Variants in BRIP1 observed in about 807,000 individuals in gnomAD.
The protein encoded by BRIP1 is BRCA1 interacting DNA helicase 1.
A neutral mutation model predicts 119.7 loss-of-function variants in BRIP1; 88 were observed. That is an observed-to-expected ratio of 0.74 (90% confidence interval 0.62 to 0.88). The LOEUF is 0.88. BRIP1 is among the 40% of genes least tolerant of loss of function. BRIP1 has a pLI of 0.00. For missense variants in BRIP1, 1,259 were observed against 1,455.4 expected, an observed-to-expected ratio of 0.87 and a Z score of 2.20; for synonymous variants, 443 against 496.5, an observed-to-expected ratio of 0.89 and a Z score of 1.43.
chr17:61,763,404 A>G (rs2077306391), intron 14 of BRIP1, among the ~76,000 whole-genome samples: 1 of 152,152 alleles, frequency 6.6e-6, no homozygotes, highest in African/African-American at 2.4e-5. Flanking sequence ...TATAAAAAAT[A>G]CCATGTGACC....
Position 61,846,103 on chromosome 17 carries a change from A to G in BRIP1, c.627+998T>C, listed in dbSNP as rs2078724982. ...AGGTTGAGGCAGGAGAATGGCATGA[A>G]CCCAGGAGGCGGAGCTTGCAGTGGG... On this transcript the variant is annotated intron_variant, in intron 6 of 19. Coordinates refer to ENST00000259008, the MANE Select transcript of BRIP1 (RefSeq NM_032043.3). The surrounding 1 kb of genome is among the most constrained non-coding windows in gnomAD (Gnocchi z 4.3). Among the ~76,000 whole-genome samples, 1 of 151,944 alleles carries G rather than the reference A, an allele frequency of 6.6e-6. No homozygotes were observed. The highest frequency in any genetic ancestry group is 1.9e-4 in the East Asian group (1 of 5,180).
In BRIP1 at chr17:61,704,868, T is replaced by C. The variant is rs952993910; in HGVS notation, c.2492+11083A>G. Reference sequence around the variant, plus strand: ...AACTGTGGCTTCTCTTTTTTTTCTTTGTTAATTTTGCTAGAGGTTTATCAA... The same window carrying C: ...AACTGTGGCTTCTCTTTTTTTTCTTCGTTAATTTTGCTAGAGGTTTATCAA... On this transcript the variant is annotated intron_variant, in intron 17 of 19. Transcript: ENST00000259008. The surrounding 1 kb of genome is among the most constrained non-coding windows in gnomAD (Gnocchi z 5.7). Among the ~76,000 whole-genome samples, 1 of 152,182 alleles carries C rather than the reference T, an allele frequency of 6.6e-6. No homozygotes were observed. The highest frequency in any genetic ancestry group is 1.5e-5 in the Non-Finnish European group (1 of 68,024).
chr17:61,859,732 G>A, intron 3 of BRIP1, 64 bp downstream of exon 3: 3 of 1,036,348 alleles, frequency 2.9e-6, no homozygotes, highest in Non-Finnish European at 4.6e-6. Flanking sequence ...TCTGGATAAA[G>A]AATACTGTAT....
Position 61,846,687 on chromosome 17 carries a change from TACA to T in BRIP1, c.627+411_627+413del, listed in dbSNP as rs2078738277. Among the ~76,000 whole-genome samples the T allele has an allele frequency of 6.6e-6, 1 of 152,106 alleles. No individual in the cohort carries two copies. The highest frequency in any genetic ancestry group is 2.4e-5 in the African/African-American group (1 of 41,394). On this transcript the variant is annotated intron_variant, in intron 6 of 19. Transcript: ENST00000259008. This position sits in a 1 kb window ranked among gnomAD's most constrained non-coding sequence, Gnocchi z 4.3. ...CAGGCGTGAGCCACCACGCCTGGCC[TACA>T]ACATCTTAATATTATTACAAAAATA...
chr17:61,812,785 G>A (rs1448497950), intron 6 of BRIP1, among the ~76,000 whole-genome samples: 6 of 152,074 alleles, frequency 3.9e-5, no homozygotes. Context: ...CTCTCTTGTT[G>A]TATTATATAG....
rs2078085871 is a variant in BRIP1, at chr17:61,807,122, T to C, written c.918+1345A>G. ...ATAGCCAAAAAATAAATTTCAAGCA[T>C]TTGAGGAATTCAGCAGATCACTTAG... is the stretch of plus-strand genomic sequence containing the variant. On this transcript the variant is annotated intron_variant, in intron 7 of 19. Transcript: ENST00000259008. This position sits in a 1 kb window ranked among gnomAD's most constrained non-coding sequence, Gnocchi z 4.5. 6.6e-6 allele frequency among the ~76,000 whole-genome samples: 1 copy of C among 152,192 alleles called. No individual in the cohort carries two copies. The highest frequency in any genetic ancestry group is 6.5e-5 in the Admixed American group (1 of 15,284).
chr17:61,712,533 A>G (rs1339140652), intron 17 of BRIP1, among the ~76,000 whole-genome samples: 1 of 152,160 alleles, frequency 6.6e-6, no homozygotes, highest in African/African-American at 2.4e-5. Flanking sequence ...TCTATGAATT[A>G]TCCAAATGCC....
chr17:61,830,760 C>A (rs1228199347), intron 6 of BRIP1, among the ~76,000 whole-genome samples: 2 of 152,198 alleles, frequency 1.3e-5, no homozygotes, highest in Non-Finnish European at 2.9e-5. Flanking sequence ...AATATCAATA[C>A]TTCCCAACTC....
chr17:61,707,312 T>C (rs1290158456), intron 17 of BRIP1, among the ~76,000 whole-genome samples: 1 of 141,338 alleles, frequency 7.1e-6, no homozygotes, highest in Non-Finnish European at 1.5e-5. Flanking sequence ...CTTTTTGTCT[T>C]TGGAAGATTT....
rs2077055946 is a variant in BRIP1 at position 61,746,235 on chromosome 17, GC to G, written c.2098-1645del. On this transcript the variant is annotated intron_variant, in intron 14 of 19. Transcript: ENST00000259008. This position sits in a 1 kb window ranked among gnomAD's most constrained non-coding sequence, Gnocchi z 4.9. ...GAACTACTTTAATTCCATAAACACAGCTAAGAAGTTATTATATTACTTTTTA... is the reference window on the plus strand; with the variant it reads ...GAACTACTTTAATTCCATAAACACAGTAAGAAGTTATTATATTACTTTTTA... 6.6e-6 allele frequency among the ~76,000 whole-genome samples: 1 copy of G among 152,080 alleles called. No homozygotes were observed. The highest frequency in any genetic ancestry group is 1.5e-5 in the Non-Finnish European group (1 of 67,984).
rs748105919 is a variant in BRIP1 at position 61,799,184 on chromosome 17, C to A, written c.1256G>T (p.Arg419Leu). 6.2e-7 allele frequency: 1 copy of A among 1,613,584 alleles called. No individual in the cohort carries two copies. The change falls in exon 9 of 20, where the codon CGG (arginine) becomes CTG (leucine). Residue 419 changes from arginine to leucine, a missense_variant. Coordinates refer to ENST00000259008, the MANE Select transcript of BRIP1 (RefSeq NM_032043.3). This position sits in a 1 kb window ranked among gnomAD's most constrained non-coding sequence, Gnocchi z 5.1. ...GTTGACCATACTATCTAGTTCATCC[C>A]GAGCAAACCGAAGCTGAACTTCTGT... Reference protein sequence around the residue: ...SVTEVQLRFARDELDSMVNNN... With the variant: ...SVTEVQLRFALDELDSMVNNN...
At chr17:61,782,851 TAAC>T (rs929163735) in intron 11 of BRIP1, among the ~76,000 whole-genome samples, 1 of 152,128 alleles carries the variant, frequency 6.6e-6, no homozygotes, top group African/African-American at 2.4e-5. Flanking sequence ...AAAAATAAAA[TAAC>T]GAGTGTCAGC....
chr17:61,813,977 T>TAAA (rs2078202167), intron 6 of BRIP1, among the ~76,000 whole-genome samples: 1 of 152,112 alleles, frequency 6.6e-6, no homozygotes, highest in Non-Finnish European at 1.5e-5. Context: ...ATGATCTTCA[T>TAAA]AAAAATTGTT....
In BRIP1 at chr17:61,726,975, C is replaced by A. The variant is rs16945591; in HGVS notation, c.2380-10912G>T. Among the ~76,000 whole-genome samples the A allele has an allele frequency of 0.027, 4,125 of 152,166 alleles. 86 individuals are homozygous for A. The highest frequency in any genetic ancestry group is 0.039 in the Admixed American group (603 of 15,272). ...ATAACTGTGAATAAACTTTTGCTAG[C>A]AATAACAACTAACAAAATAAAATAT... On this transcript the variant is annotated intron_variant, in intron 16 of 19. Transcript: ENST00000259008. The surrounding 1 kb of genome is among the most constrained non-coding windows in gnomAD (Gnocchi z 6.2).
chr17:61,799,073 AAT>A lies in BRIP1; in HGVS notation c.1340+25_1340+26del. 1 of 1,592,570 alleles carries A rather than the reference AAT, an allele frequency of 6.3e-7. No homozygotes were observed. The highest frequency in any genetic ancestry group is 8.6e-7 in the Non-Finnish European group (1 of 1,160,728). On this transcript the variant is annotated intron_variant, in intron 9 of 19. Coordinates refer to ENST00000259008, the MANE Select transcript of BRIP1 (RefSeq NM_032043.3). The surrounding 1 kb of genome is among the most constrained non-coding windows in gnomAD (Gnocchi z 5.1). ...ATATTTTTCATATAAAGGCAGCACAAATACACTAATAGACAAATCTTCTTACT... is the reference window on the plus strand; with the variant it reads ...ATATTTTTCATATAAAGGCAGCACAAACACTAATAGACAAATCTTCTTACT...
chr17:61,747,112 A>C (rs2077067992), intron 14 of BRIP1, among the ~76,000 whole-genome samples: 1 of 152,180 alleles, frequency 6.6e-6, no homozygotes, highest in Non-Finnish European at 1.5e-5. Flanking sequence ...ATCAAAAGGA[A>C]AGTTATGAAA....
In BRIP1 at chr17:61,793,707, A is replaced by T. The variant is rs587780826; in HGVS notation, c.1363T>A (p.Tyr455Asn). 9 of 1,610,870 alleles carry T rather than the reference A, an allele frequency of 5.6e-6. No individual in the cohort carries two copies. Among genetic ancestry groups the T allele is most frequent in the Non-Finnish European group, 6.8e-6 (8 of 1,178,700 alleles). Reference protein sequence around the residue: ...LINWLEANAEYLVERDYESAC... With the variant: ...LINWLEANAENLVERDYESAC... ...GATTCATAATCTCTTTCTACAAGAT[A>T]TTCAGCGTTTGCTTCTAACCAACTG... Residue 455 changes from tyrosine to asparagine, a missense_variant, in exon 10 of 20, where the codon TAT becomes AAT. Physicochemically the swap from Tyr to Asn is moderately radical, Grantham distance 143. Transcript: ENST00000259008. The surrounding 1 kb of genome is among the most constrained non-coding windows in gnomAD (Gnocchi z 5.2).
rs374583930 is a variant in BRIP1 at position 61,729,051 on chromosome 17, C to T, written c.2380-12988G>A. Among the ~76,000 whole-genome samples, 48 of 151,244 alleles carry T rather than the reference C, an allele frequency of 3.2e-4. No homozygotes were observed. In the East Asian group the frequency reaches 5.0e-3, roughly 16 times the overall value. ...ACCCCAGCACTTTGGGAGGCTGAGG[C>T]GGGCGGATCTTCTGAGGTCGGGAGT... On this transcript the variant is annotated intron_variant, in intron 16 of 19. Coordinates refer to ENST00000259008, the MANE Select transcript of BRIP1 (RefSeq NM_032043.3). The surrounding 1 kb of genome is among the most constrained non-coding windows in gnomAD (Gnocchi z 5.6).
chr17:61,690,406 A>G lies in BRIP1; in HGVS notation c.2575+3024T>C, dbSNP rs1312214672. ...TGGATACACTATATAAAAGGGTATA[A>G]TTTGTGACTTTAATAATAAAATGTG... On this transcript the variant is annotated intron_variant, in intron 18 of 19. Transcript: ENST00000259008. This position sits in a 1 kb window ranked among gnomAD's most constrained non-coding sequence, Gnocchi z 5.6. 2.0e-5 allele frequency among the ~76,000 whole-genome samples: 3 copies of G among 152,222 alleles called. No individual in the cohort carries two copies. Among genetic ancestry groups the G allele is most frequent in the Non-Finnish European group, 2.9e-5 (2 of 68,026 alleles).
Sources: gnomAD v4.1 joint callset for allele counts (sites outside exome capture counted in the v4.1 genomes callset) on GRCh38, gnomAD v4.1.1 for gene constraint, Gnocchi (gnomAD v3.1) non-coding constraint, MANE v1.5 for transcripts, NCBI Gene and HGNC (gene_info 2026-07-23, HGNC 2026-07-21) for gene names.